The following MGMT variants were observed in gnomAD, a reference collection of about 807,000 sequenced individuals.
MGMT encodes the protein O-6-methylguanine-DNA methyltransferase.
MGMT carries 14 observed loss-of-function variants against 15.9 expected under a neutral mutation model. The ratio of observed to expected loss-of-function variants is 0.88; its 90% CI spans 0.58 to 1.37. The LOEUF (loss-of-function observed/expected upper bound fraction) is 1.37. Ranked by LOEUF, MGMT falls within the 40% of genes most tolerant of loss-of-function variation. The pLI, the probability that MGMT is intolerant of heterozygous loss-of-function variation, is 0.00. For missense variants in MGMT, 282 were observed against 268.1 expected, an observed-to-expected ratio of 1.05 and a Z score of -0.36; for synonymous variants, 130 against 118.2, an observed-to-expected ratio of 1.10 and a Z score of -0.65.
chr10:129,682,569 AAC>A (rs1415012737), intron 2 of MGMT, among the ~76,000 whole-genome samples: 1 of 152,110 alleles, frequency 6.6e-6, no homozygotes, highest in African/African-American at 2.4e-5. Flanking sequence ...TGTAAATCTA[AAC>A]ACATTATAAA....
At chr10:129,759,606 AG>A (rs1212335276) in intron 4 of MGMT, among the ~76,000 whole-genome samples, 1 of 152,066 alleles carries the variant, frequency 6.6e-6, no homozygotes, top group Non-Finnish European at 1.5e-5. Context: ...GCAGGAGAGG[AG>A]GGAGCCTGGA....
At chr10:129,633,309 C>T (rs918831142) in intron 2 of MGMT, among the ~76,000 whole-genome samples, 1 of 152,200 alleles carries the variant, frequency 6.6e-6, no homozygotes, top group African/African-American at 2.4e-5. Flanking sequence ...CACATGCTCT[C>T]ACCAAACCGA....
chr10:129,598,148 G>A (rs1846773540), intron 2 of MGMT, among the ~76,000 whole-genome samples: 2 of 152,198 alleles, frequency 1.3e-5, no homozygotes, highest in Admixed American at 6.5e-5. Context: ...TGAGGACCCT[G>A]TTCTCATGCC....
chr10:129,546,425 G>T (rs1846098948), intron 2 of MGMT, among the ~76,000 whole-genome samples: 1 of 152,256 alleles, frequency 6.6e-6, no homozygotes. Flanking sequence ...GGCATGGAGG[G>T]GTAGCAGAAG....
intron 1 of MGMT, among the ~76,000 whole-genome samples, chr10:129,511,568 A>G (rs980680330): frequency 6.6e-6 from 1 of 152,224 alleles, no homozygotes; most frequent in Non-Finnish European, 1.5e-5. Flanking sequence ...GATGGCACCC[A>G]AAGTAGTTGC....
At chr10:129,705,050 G>A (rs1357575256) in intron 2 of MGMT, among the ~76,000 whole-genome samples, 1 of 152,170 alleles carries the variant, frequency 6.6e-6, no homozygotes, top group Non-Finnish European at 1.5e-5. Flanking sequence ...ATAACAACAC[G>A]GGTGCAGTTC....
intron 2 of MGMT, among the ~76,000 whole-genome samples, chr10:129,598,311 C>T (rs1294460956): frequency 1.3e-5 from 2 of 152,174 alleles, no homozygotes; most frequent in Non-Finnish European, 2.9e-5. Flanking sequence ...TGCTGTGGAA[C>T]CGTGGGCAAG....
At chr10:129,585,873 A>G (rs1846612483) in intron 2 of MGMT, among the ~76,000 whole-genome samples, 1 of 152,154 alleles carries the variant, frequency 6.6e-6, no homozygotes, top group Non-Finnish European at 1.5e-5. Context: ...AACCATTATA[A>G]CAACATGCCA....
At chr10:129,707,820 C>T in intron 2 of MGMT, 75 bp from the exon 3 acceptor site, 3 of 1,583,054 alleles carry the variant, frequency 1.9e-6, no homozygotes, top group East Asian at 2.2e-5. Context: ...CGTTTAGATG[C>T]AGTAGGTGTT....
intron 2 of MGMT, among the ~76,000 whole-genome samples, chr10:129,642,676 T>C (rs1247976812): frequency 6.6e-6 from 1 of 152,216 alleles, no homozygotes; most frequent in Non-Finnish European, 1.5e-5. Flanking sequence ...TTAGCATCTC[T>C]TAGTCACTGT....
In MGMT at chr10:129,659,189, T is replaced by C. The variant is rs1847566945; in HGVS notation, c.126-48706T>C. The stretch of plus-strand genomic sequence containing the variant: ...CTGGCCAACACAGTGAAACCCCATC[T>C]CTACTAAAAATACAAAACTTACCTG... On this transcript the variant is annotated intron_variant, in intron 2 of 4. Transcript: ENST00000651593. The surrounding 1 kb of genome is among the most constrained non-coding windows in gnomAD (Gnocchi z 4.1). Among the ~76,000 whole-genome samples, 1 of 151,942 alleles carries C rather than the reference T, an allele frequency of 6.6e-6. No individual in the cohort carries two copies. Among genetic ancestry groups the C allele is most frequent in the Non-Finnish European group, 1.5e-5 (1 of 67,990 alleles).
intron 2 of MGMT, among the ~76,000 whole-genome samples, chr10:129,707,474 G>T (rs1478910459): frequency 6.6e-6 from 1 of 152,136 alleles, no homozygotes; most frequent in Non-Finnish European, 1.5e-5. Flanking sequence ...CATGGAGGAG[G>T]CAGAACGCGT....
chr10:129,545,815 G>A (rs1274775586), intron 2 of MGMT, among the ~76,000 whole-genome samples: 2 of 152,198 alleles, frequency 1.3e-5, no homozygotes, highest in African/African-American at 2.4e-5. Context: ...AAGTGTTCAT[G>A]TCATTTAAGC....
At chr10:129,505,750 G>A (rs577201649) in intron 1 of MGMT, among the ~76,000 whole-genome samples, 109 of 152,278 alleles carry the variant, frequency 7.2e-4, no homozygotes, top group Middle Eastern at 3.4e-3. Context: ...TCAAGAACAA[G>A]CTAATAAAGT....
chr10:129,512,709 C>T (rs1374201141), intron 1 of MGMT, among the ~76,000 whole-genome samples: 3 of 152,152 alleles, frequency 2.0e-5, no homozygotes, highest in East Asian at 1.9e-4. Context: ...TAGTCTGTGC[C>T]GTTCAGTGCC....
At chr10:129,660,263 C>T (rs1468646431) in intron 2 of MGMT, among the ~76,000 whole-genome samples, 2 of 152,018 alleles carry the variant, frequency 1.3e-5, no homozygotes, top group Non-Finnish European at 2.9e-5. Flanking sequence ...ATTACATTAA[C>T]CTTTTTGATA....
At chr10:129,683,765 G>A (rs1847877959) in intron 2 of MGMT, among the ~76,000 whole-genome samples, 2 of 152,210 alleles carry the variant, frequency 1.3e-5, no homozygotes, top group South Asian at 2.1e-4. Context: ...CACTTGAATG[G>A]TAATAATCTG....
At chr10:129,642,592 G>A (rs1228872548) in intron 2 of MGMT, among the ~76,000 whole-genome samples, 2 of 152,232 alleles carry the variant, frequency 1.3e-5, no homozygotes, top group Admixed American at 6.5e-5. Flanking sequence ...CCTCAGGGGT[G>A]TGTGTGGAGG....
At chr10:129,618,635 A>C (rs144732808) in intron 2 of MGMT, among the ~76,000 whole-genome samples, 2 of 151,994 alleles carry the variant, frequency 1.3e-5, no homozygotes, top group Admixed American at 6.5e-5. Context: ...GTATAGCTCC[A>C]TATTTGTTTT....
Sources: allele counts gnomAD v4.1 joint callset (sites outside exome capture counted in the v4.1 genomes callset), GRCh38; gene constraint gnomAD v4.1.1; non-coding constraint Gnocchi (gnomAD v3.1); transcripts MANE v1.5; gene names NCBI Gene and HGNC (gene_info 2026-07-23, HGNC 2026-07-21).